Variants in NEK1 observed in about 807,000 individuals in gnomAD.
The protein encoded by NEK1 is NIMA related kinase 1, also known as serine/threonine-protein kinase Nek1.
A neutral mutation model predicts 182.1 loss-of-function variants in NEK1; 137 were observed. That is an observed-to-expected ratio of 0.75 (90% CI 0.65 to 0.87). The LOEUF is 0.87. NEK1 is among the 40% of genes least tolerant of loss of function. NEK1 has a pLI of 0.00. For synonymous variants in NEK1, 513 were observed against 492.2 expected, an observed-to-expected ratio of 1.04 and a Z score of -0.56; for missense variants, 1,391 against 1,494.4, an observed-to-expected ratio of 0.93 and a Z score of 1.14.
intron 19 of NEK1, among the ~76,000 whole-genome samples, chr4:169,537,093 T>C (rs1758630674): frequency 1.3e-5 from 2 of 152,186 alleles, no homozygotes. Context: ...CTATTTCTTA[T>C]ATGAGTGTGC....
intron 12 of NEK1, among the ~76,000 whole-genome samples, chr4:169,574,322 G>A (rs377620382): frequency 1.3e-5 from 2 of 152,004 alleles, no homozygotes; most frequent in East Asian, 1.9e-4. Context: ...TTGGCGGGGC[G>A]TGGTGGCTCA....
chr4:169,468,567 T>C (rs1441117212), intron 26 of NEK1, among the ~76,000 whole-genome samples: 1 of 152,188 alleles, frequency 6.6e-6, no homozygotes, highest in African/African-American at 2.4e-5. Context: ...TGCAATTTAC[T>C]CTGAATTGCA....
chr4:169,543,974 T>C (rs911742476), intron 18 of NEK1, among the ~76,000 whole-genome samples: 1 of 152,220 alleles, frequency 6.6e-6, no homozygotes, highest in African/African-American at 2.4e-5. Flanking sequence ...ATACCCTTTA[T>C]TTCTATCTCT....
chr4:169,570,300 C>T (rs1764524312), intron 12 of NEK1, among the ~76,000 whole-genome samples: 2 of 152,036 alleles, frequency 1.3e-5, no homozygotes, highest in South Asian at 4.2e-4. Flanking sequence ...GCCCAGCAGC[C>T]ACCCCGTCTG....
intron 23 of NEK1, among the ~76,000 whole-genome samples, chr4:169,491,924 CT>C (rs1365086428): frequency 4.6e-5 from 7 of 152,096 alleles, no homozygotes; most frequent in African/African-American, 1.7e-4. Context: ...TTGTTATCAG[CT>C]TAAAATAGTC....
intron 12 of NEK1, among the ~76,000 whole-genome samples, chr4:169,570,665 A>G (rs1764652402): frequency 6.6e-6 from 1 of 152,042 alleles, no homozygotes; most frequent in South Asian, 2.1e-4. Context: ...CCACCACCCC[A>G]TCTGGGAGGT....
rs756812748 is a variant in NEK1, at chr4:169,427,866, C to T, written c.2886-1632G>A. ...ACAGGGTCTTGCTCTGTTGCCCAGT[C>T]TGGAGTGCAGTGGAATAATCATGGC... On this transcript the variant is annotated intron_variant, in intron 29 of 35. Coordinates refer to ENST00000507142, the MANE Select transcript of NEK1 (RefSeq NM_001199397.3). Among the ~76,000 whole-genome samples, 43 of 152,184 alleles carry T rather than the reference C, an allele frequency of 2.8e-4. 1 individual carries two copies. Among genetic ancestry groups the T allele is most frequent in the Non-Finnish European group, 5.9e-4 (40 of 68,014 alleles).
At chr4:169,472,159 CAAAAAACAA>C (rs1318687646) in intron 26 of NEK1, among the ~76,000 whole-genome samples, 4 of 149,842 alleles carry the variant, frequency 2.7e-5, no homozygotes, top group South Asian at 4.3e-4. Flanking sequence ...CACTGAGGTA[CAAAAAACAA>C]AAAAAACAAA....
At chr4:169,562,346 G>A (rs375091318) in intron 12 of NEK1, 150 bp from the exon 13 acceptor site, 29 of 540,138 alleles carry the variant, frequency 5.4e-5, no homozygotes, top group South Asian at 4.6e-4. Flanking sequence ...AAAAAAAATC[G>A]TAGTCTTTGA....
intron 4 of NEK1, among the ~76,000 whole-genome samples, chr4:169,599,550 C>T (rs1770126348): frequency 6.6e-6 from 1 of 152,090 alleles, no homozygotes; most frequent in Non-Finnish European, 1.5e-5. Context: ...GTTTTTCCAC[C>T]AATATATCAC....
chr4:169,442,483 G>A (rs946892251), intron 27 of NEK1, among the ~76,000 whole-genome samples: 6 of 152,168 alleles, frequency 3.9e-5, no homozygotes, highest in Admixed American at 2.0e-4. Flanking sequence ...ATCGGAAGAA[G>A]TGATTATTAC....
chr4:169,556,217 AC>A, intron 16 of NEK1, 122 bp from the exon 17 acceptor site: 1 of 851,666 alleles, frequency 1.2e-6, no homozygotes, highest in East Asian at 2.7e-5. Context: ...CTTAATATGA[AC>A]ATACTAACAA....
At chr4:169,579,569 T>A (rs1766261077) in intron 11 of NEK1, among the ~76,000 whole-genome samples, 1 of 152,074 alleles carries the variant, frequency 6.6e-6, no homozygotes, top group Non-Finnish European at 1.5e-5. Context: ...GGCAGGCAGA[T>A]CACGAGGTCA....
intron 16 of NEK1, among the ~76,000 whole-genome samples, 163 bp from the exon 17 acceptor site, chr4:169,556,258 A>G (rs1762151794): frequency 6.6e-6 from 1 of 152,186 alleles, no homozygotes; most frequent in South Asian, 2.1e-4. Context: ...ATGTTTTCCT[A>G]TTATAACTAT....
intron 26 of NEK1, among the ~76,000 whole-genome samples, chr4:169,471,211 T>G (rs1488840735): frequency 6.6e-6 from 1 of 152,232 alleles, no homozygotes; most frequent in Non-Finnish European, 1.5e-5. Context: ...ATTCTGGTTT[T>G]GGGAATTTTC....
chr4:169,408,932 T>G (rs1038794031), intron 31 of NEK1, among the ~76,000 whole-genome samples: 2 of 152,128 alleles, frequency 1.3e-5, no homozygotes, highest in African/African-American at 2.4e-5. Flanking sequence ...GCTATAAACA[T>G]GGGTGTGTGT....
At chr4:169,482,388 CT>C (rs1327666000) in intron 23 of NEK1, among the ~76,000 whole-genome samples, 1 of 151,652 alleles carries the variant, frequency 6.6e-6, no homozygotes, top group East Asian at 1.9e-4. Context: ...AAATCCTAGG[CT>C]CAAATGATCA....
chr4:169,446,463 A>G (rs1368055082), intron 27 of NEK1, among the ~76,000 whole-genome samples: 15 of 152,154 alleles, frequency 9.9e-5, no homozygotes, highest in Admixed American at 9.8e-4. Flanking sequence ...ACCTCCCAAA[A>G]TAACTACAAT....
At chr4:169,571,602 G>A (rs1255666807) in intron 12 of NEK1, among the ~76,000 whole-genome samples, 1 of 152,210 alleles carries the variant, frequency 6.6e-6, no homozygotes, top group East Asian at 1.9e-4. Flanking sequence ...TTGCAGGTAA[G>A]TACTTGGCAT....
Sources: gnomAD v4.1 joint callset for allele counts (sites outside exome capture counted in the v4.1 genomes callset) on GRCh38, gnomAD v4.1.1 for gene constraint, MANE v1.5 for transcripts, NCBI Gene and HGNC (gene_info 2026-07-23, HGNC 2026-07-21) for gene names.